The following PIK3R1 variants were observed in gnomAD, a reference collection of about 807,000 sequenced individuals.
PIK3R1 encodes phosphatidylinositol 3-kinase regulatory subunit alpha.
Under a neutral mutation model 98.0 loss-of-function variants are expected in PIK3R1, and 29 were observed. The ratio of observed to expected loss-of-function variants is 0.30; its 90% CI spans 0.22 to 0.40. The LOEUF is 0.40. PIK3R1 is among the 10% of genes least tolerant of loss of function. The pLI is 1.00. For synonymous variants in PIK3R1, 282 were observed against 311.8 expected, an observed-to-expected ratio of 0.90 and a Z score of 1.01; for missense variants, 596 against 872.7, an observed-to-expected ratio of 0.68 and a Z score of 3.99.
chr5:68,297,403 C>G lies in PIK3R1; in HGVS notation c.1986-9C>G, dbSNP rs143771559. 2.5e-6 allele frequency: 4 copies of G among 1,605,758 alleles called. No individual in the cohort carries two copies. The African/African-American group carries it at 5.4e-5, about 22-fold the overall frequency. ...GCTCAAAAGACAGTTTTTCTTCTCT[C>G]CTCTCTAGGGTGGACGGCGAAGTAA... On this transcript the variant is annotated splice_polypyrimidine_tract_variant and intron_variant, in intron 15 of 15. Coordinates refer to ENST00000521381, the MANE Select transcript of PIK3R1 (RefSeq NM_181523.3).
intron 2 of PIK3R1, among the ~76,000 whole-genome samples, chr5:68,241,402 T>C (rs1053859735): frequency 4.9e-5 from 7 of 143,616 alleles, no homozygotes; most frequent in Non-Finnish European, 9.1e-5. Flanking sequence ...TTTTTTTTTT[T>C]ACAGTACTGT....
chr5:68,258,276 A>G (rs1745607369), intron 2 of PIK3R1, among the ~76,000 whole-genome samples: 1 of 152,208 alleles, frequency 6.6e-6, no homozygotes, highest in Non-Finnish European at 1.5e-5. Context: ...CAGTTGAAAA[A>G]TAGGTTCCAT....
At chr5:68,260,982 G>A (rs752916890) in intron 2 of PIK3R1, among the ~76,000 whole-genome samples, 4 of 151,982 alleles carry the variant, frequency 2.6e-5, no homozygotes, top group Non-Finnish European at 5.9e-5. Flanking sequence ...CTATCCCCTG[G>A]GTTAGAAATT....
At chr5:68,253,141 T>G (rs1339872500) in intron 2 of PIK3R1, among the ~76,000 whole-genome samples, 1 of 152,226 alleles carries the variant, frequency 6.6e-6, no homozygotes, top group Admixed American at 6.5e-5. Flanking sequence ...TTGAATATTT[T>G]TGTTACCTTA....
rs966634252 is a variant in PIK3R1 at position 68,223,229 on chromosome 5, C to T, written c.-386-3061C>T. Among the ~76,000 whole-genome samples the T allele has an allele frequency of 5.0e-4, 76 of 151,954 alleles. 1 individual carries two copies. The highest frequency in any genetic ancestry group is 4.7e-3 in the Admixed American group (71 of 15,250). ...CCATTCAGTCCTCAAGAATGACAGA[C>T]GTCAAAATGGACATGGCAGTCAGGA... On this transcript the variant is annotated intron_variant, in intron 1 of 15. Transcript: ENST00000521381.
chr5:68,237,921 C>A (rs72757661), intron 2 of PIK3R1, among the ~76,000 whole-genome samples: 2 of 152,186 alleles, frequency 1.3e-5, no homozygotes, highest in African/African-American at 4.8e-5. Context: ...CTCTTCCCCC[C>A]TCTTCCTTGT....
At chr5:68,295,347 T>A in intron 13 of PIK3R1, 23 bp downstream of exon 13, 1 of 1,612,912 alleles carries the variant, frequency 6.2e-7, no homozygotes, top group Non-Finnish European at 8.5e-7. Flanking sequence ...AATGGAATCC[T>A]ATACATGAAT....
intron 2 of PIK3R1, among the ~76,000 whole-genome samples, chr5:68,228,382 C>T (rs1245224648): frequency 6.6e-6 from 1 of 152,122 alleles, no homozygotes; most frequent in African/African-American, 2.4e-5. Flanking sequence ...CCTTTTCTTT[C>T]CCATACCCAG....
chr5:68,298,053 A>C lies in PIK3R1; in HGVS notation c.*452A>C. On this transcript the variant is annotated 3_prime_UTR_variant, in exon 16 of 16. Transcript: ENST00000521381. ...TTTGGTCCAGCCTGGTTTAGCCTGG[A>C]TGTTGCTGTGCACGGTGGACCCAGA... is the stretch of plus-strand genomic sequence containing the variant. 4.3e-6 allele frequency: 1 copy of C among 233,366 alleles called. No homozygotes were observed. Among genetic ancestry groups the C allele is most frequent in the Non-Finnish European group, 8.5e-6 (1 of 118,196 alleles). 14.5% of individuals were successfully genotyped at this position (233,366 alleles called of 1,614,324 possible). A position where few individuals can be genotyped will look rare whatever the true frequency, so the allele number is the denominator to read the frequency against.
intron 2 of PIK3R1, among the ~76,000 whole-genome samples, chr5:68,238,330 A>G (rs1408759386): frequency 6.6e-6 from 1 of 152,206 alleles, no homozygotes; most frequent in Non-Finnish European, 1.5e-5. Context: ...AACAGGAAAA[A>G]CCTAACCGAG....
chr5:68,271,246 C>T (rs1013545505), intron 2 of PIK3R1, among the ~76,000 whole-genome samples: 8 of 152,096 alleles, frequency 5.3e-5, no homozygotes, highest in Non-Finnish European at 1.0e-4. Context: ...GGTGAAGTTC[C>T]CACCCAGCCC....
chr5:68,274,468 T>A (rs1173909455), intron 4 of PIK3R1, among the ~76,000 whole-genome samples: 1 of 152,224 alleles, frequency 6.6e-6, no homozygotes, highest in African/African-American at 2.4e-5. Flanking sequence ...CCTTTTCCGT[T>A]TCCCTTTCTT....
intron 4 of PIK3R1, among the ~76,000 whole-genome samples, chr5:68,277,530 T>G (rs985864791): frequency 6.6e-6 from 1 of 152,238 alleles, no homozygotes; most frequent in Non-Finnish European, 1.5e-5. Context: ...TGACTCACTT[T>G]CGGAACGTCG....
chr5:68,283,569 CTT>C (rs1379296493), intron 7 of PIK3R1, among the ~76,000 whole-genome samples: 5 of 152,128 alleles, frequency 3.3e-5, no homozygotes, highest in Admixed American at 3.3e-4. Context: ...AGTTTAAAGA[CTT>C]ATTCAAAATA....
At chr5:68,260,363 G>T (rs1275053022) in intron 2 of PIK3R1, among the ~76,000 whole-genome samples, 4 of 120,896 alleles carry the variant, frequency 3.3e-5, no homozygotes, top group Non-Finnish European at 7.5e-5. Flanking sequence ...TAGATCATGA[G>T]CTAATTTTGC....
rs796136010 is a variant in PIK3R1 at position 68,262,675 on chromosome 5, A to G, written c.335-10715A>G. On this transcript the variant is annotated intron_variant, in intron 2 of 15. Coordinates refer to ENST00000521381, the MANE Select transcript of PIK3R1 (RefSeq NM_181523.3). ...TATCTGCATGTATACACATGTAGAT[A>G]CATGTATCTGCATGTATACACATGT... is the stretch of plus-strand genomic sequence containing the variant. Among the ~76,000 whole-genome samples, 124 of 116,586 alleles carry G rather than the reference A, an allele frequency of 1.1e-3. 4 individuals carry two copies. The highest frequency in any genetic ancestry group is 4.0e-3 in the South Asian group (14 of 3,536). 76.5% of individuals were successfully genotyped at this position (116,586 alleles called of 152,430 possible).
At chr5:68,257,214 T>C (rs1239269691) in intron 2 of PIK3R1, among the ~76,000 whole-genome samples, 1 of 152,232 alleles carries the variant, frequency 6.6e-6, no homozygotes, top group East Asian at 1.9e-4. Context: ...AGGTGGCTGA[T>C]AGCTGCTCCA....
At chr5:68,239,341 T>C (rs1226208601) in intron 2 of PIK3R1, among the ~76,000 whole-genome samples, 1 of 151,788 alleles carries the variant, frequency 6.6e-6, no homozygotes, top group African/African-American at 2.4e-5. Flanking sequence ...ACAGGGAAAA[T>C]GTTTACTATA....
intron 2 of PIK3R1, among the ~76,000 whole-genome samples, chr5:68,262,595 GCATGTATACACATGTATACA>G (rs1226334289): frequency 5.4e-5 from 7 of 129,512 alleles, no homozygotes; most frequent in Non-Finnish European, 3.2e-5. Flanking sequence ...ACATGTATCT[GCATGTATACACATGTATACA>G]CATGTAGATG....
Sources: gnomAD v4.1 joint callset for allele counts (sites outside exome capture counted in the v4.1 genomes callset) on GRCh38, gnomAD v4.1.1 for gene constraint, MANE v1.5 for transcripts, NCBI Gene and HGNC (gene_info 2026-07-23, HGNC 2026-07-21) for gene names.